The following CNTNAP2 variants were observed in gnomAD, a reference collection of about 807,000 sequenced individuals.
CNTNAP2 encodes the protein contactin associated protein 2, also known as contactin-associated protein-like 2.
CNTNAP2 carries 98 observed loss-of-function variants against 155.2 expected under a neutral mutation model. That is an observed-to-expected ratio of 0.63 (90% CI 0.54 to 0.75). CNTNAP2 has a LOEUF of 0.75. Among genes scored for constraint, CNTNAP2 ranks in the 30% least tolerant of loss-of-function variants. The pLI is 0.00. For synonymous variants in CNTNAP2, 651 were observed against 631.2 expected, an observed-to-expected ratio of 1.03 and a Z score of -0.47; for missense variants, 1,727 against 1,688.1, an observed-to-expected ratio of 1.02 and a Z score of -0.40.
intron 10 of CNTNAP2, among the ~76,000 whole-genome samples, chr7:147,457,209 A>T (rs559456473): frequency 3.3e-5 from 5 of 152,324 alleles, no homozygotes; most frequent in African/African-American, 1.2e-4. Context: ...AAAAGAACAG[A>T]TGAAAAAGTA....
At chr7:148,143,320 G>C (rs1277460043) in intron 16 of CNTNAP2, among the ~76,000 whole-genome samples, 1 of 152,188 alleles carries the variant, frequency 6.6e-6, no homozygotes, top group Non-Finnish European at 1.5e-5. Context: ...AAAATGGCTT[G>C]AGCAATAACA....
intron 3 of CNTNAP2, among the ~76,000 whole-genome samples, chr7:146,882,126 G>C (rs962818824): frequency 6.6e-6 from 1 of 152,034 alleles, no homozygotes; most frequent in South Asian, 2.1e-4. Context: ...CATCCATGTT[G>C]CTACAAAGGA....
At chr7:146,163,084 C>G (rs1212847314) in intron 1 of CNTNAP2, among the ~76,000 whole-genome samples, 1 of 151,984 alleles carries the variant, frequency 6.6e-6, no homozygotes, top group East Asian at 1.9e-4. Context: ...TGCAGCACAC[C>G]AACATGGCAC....
chr7:146,348,754 C>T (rs1291383695), intron 1 of CNTNAP2, among the ~76,000 whole-genome samples: 2 of 150,282 alleles, frequency 1.3e-5, no homozygotes, highest in Non-Finnish European at 3.0e-5. Context: ...TATCTTGTCT[C>T]GTTAACACCA....
chr7:146,953,509 G>A (rs1465647401), intron 3 of CNTNAP2, among the ~76,000 whole-genome samples: 1 of 151,860 alleles, frequency 6.6e-6, no homozygotes, highest in African/African-American at 2.4e-5. Flanking sequence ...TACTTTTCTG[G>A]AAACTAGGGA....
chr7:146,132,167 G>A (rs775281382), intron 1 of CNTNAP2, among the ~76,000 whole-genome samples: 24 of 152,132 alleles, frequency 1.6e-4, no homozygotes, highest in Non-Finnish European at 2.8e-4. Flanking sequence ...GCTAAAATAC[G>A]TTCTTTACAG....
chr7:146,888,748 C>A (rs1795718484), intron 3 of CNTNAP2, among the ~76,000 whole-genome samples: 1 of 151,912 alleles, frequency 6.6e-6, no homozygotes, highest in South Asian at 2.1e-4. Flanking sequence ...AAACCAGACA[C>A]AGAAAGACAA....
chr7:147,963,357 A>T (rs1801145379), intron 14 of CNTNAP2, among the ~76,000 whole-genome samples: 1 of 152,162 alleles, frequency 6.6e-6, no homozygotes, highest in East Asian at 1.9e-4. Context: ...CAGTTCTGTT[A>T]TCTATGGATA....
chr7:147,652,412 A>G (rs1455014856), intron 13 of CNTNAP2, among the ~76,000 whole-genome samples: 1 of 152,194 alleles, frequency 6.6e-6, no homozygotes, highest in Non-Finnish European at 1.5e-5. Context: ...ATATCTAGAT[A>G]ACTAATGCTT....
chr7:146,374,878 G>T (rs2129103498), intron 1 of CNTNAP2, among the ~76,000 whole-genome samples: 1 of 152,262 alleles, frequency 6.6e-6, no homozygotes, highest in Non-Finnish European at 1.5e-5. Context: ...TGCAACTACA[G>T]AATTTGTTTA....
chr7:146,625,937 T>A (rs948134994), intron 1 of CNTNAP2, among the ~76,000 whole-genome samples: 1 of 152,062 alleles, frequency 6.6e-6, no homozygotes, highest in African/African-American at 2.4e-5. Context: ...TCATAATACA[T>A]ACCTCATGAG....
intron 10 of CNTNAP2, among the ~76,000 whole-genome samples, chr7:147,450,601 A>T (rs1218180058): frequency 3.3e-5 from 5 of 152,174 alleles, no homozygotes; most frequent in African/African-American, 1.2e-4. Flanking sequence ...ATACCTTCCC[A>T]CCTAGCCATA....
intron 13 of CNTNAP2, among the ~76,000 whole-genome samples, chr7:147,856,881 A>G (rs1392564699): frequency 6.6e-6 from 1 of 152,152 alleles, no homozygotes; most frequent in Non-Finnish European, 1.5e-5. Flanking sequence ...AAGTCTACAG[A>G]TTTGAGTGTA....
At chr7:147,334,555 G>A (rs1795632907) in intron 9 of CNTNAP2, among the ~76,000 whole-genome samples, 1 of 152,122 alleles carries the variant, frequency 6.6e-6, no homozygotes, top group Non-Finnish European at 1.5e-5. Context: ...AAATCTCAGT[G>A]GGTTTGGTTA....
At chr7:146,453,870 A>G (rs1204795017) in intron 1 of CNTNAP2, among the ~76,000 whole-genome samples, 1 of 152,166 alleles carries the variant, frequency 6.6e-6, no homozygotes, top group African/African-American at 2.4e-5. Flanking sequence ...AAAGAGAAAA[A>G]AATGACTGAC....
chr7:146,520,202 CTT>C (rs1379168388), intron 1 of CNTNAP2, among the ~76,000 whole-genome samples: 1 of 149,992 alleles, frequency 6.7e-6, no homozygotes, highest in Non-Finnish European at 1.5e-5. Flanking sequence ...TTGACAATAA[CTT>C]TATTAGGCAA....
At chr7:146,258,899 T>C (rs948514899) in intron 1 of CNTNAP2, among the ~76,000 whole-genome samples, 1 of 152,194 alleles carries the variant, frequency 6.6e-6, no homozygotes, top group Non-Finnish European at 1.5e-5. Flanking sequence ...TATGTTATCA[T>C]ACTGAGTGAT....
At chr7:146,203,258 A>C (rs1267944438) in intron 1 of CNTNAP2, among the ~76,000 whole-genome samples, 2 of 152,292 alleles carry the variant, frequency 1.3e-5, no homozygotes, top group East Asian at 3.9e-4. Flanking sequence ...CTCAGTTTTC[A>C]AGAATGCCCC....
At chr7:147,496,383 A>G (rs1454810490) in intron 11 of CNTNAP2, among the ~76,000 whole-genome samples, 1 of 152,108 alleles carries the variant, frequency 6.6e-6, no homozygotes, top group Non-Finnish European at 1.5e-5. Context: ...AAGTAAGGAG[A>G]ACTGGTAAGG....
Sources: gnomAD v4.1 joint callset for allele counts (sites outside exome capture counted in the v4.1 genomes callset) on GRCh38, gnomAD v4.1.1 for gene constraint, MANE v1.5 for transcripts, NCBI Gene and HGNC (gene_info 2026-07-23, HGNC 2026-07-21) for gene names.